The following KLHL32 variants were observed in gnomAD, a reference collection of about 807,000 sequenced individuals.
KLHL32 encodes the protein kelch like family member 32, also known as kelch-like protein 32.
A neutral mutation model predicts 64.8 loss-of-function variants in KLHL32; 35 were observed. That is an observed-to-expected ratio of 0.54 (90% CI 0.41 to 0.72). The LOEUF (loss-of-function observed/expected upper bound fraction) is 0.72, where lower values mean the gene tolerates loss of function less well. Among genes scored for constraint, KLHL32 ranks in the 30% least tolerant of loss-of-function variants. The pLI is 0.00. For synonymous variants in KLHL32, 259 were observed against 281.0 expected, an observed-to-expected ratio of 0.92 and a Z score of 0.78; for missense variants, 589 against 768.5, an observed-to-expected ratio of 0.77 and a Z score of 2.76.
chr6:97,092,715 G>A (rs1053458656), intron 6 of KLHL32, among the ~76,000 whole-genome samples: 5 of 152,094 alleles, frequency 3.3e-5, no homozygotes, highest in African/African-American at 9.7e-5. Flanking sequence ...ATCTATATGC[G>A]GCTAACTCCT....
At chr6:96,930,569 C>T (rs1769737558) in intron 1 of KLHL32, among the ~76,000 whole-genome samples, 1 of 151,998 alleles carries the variant, frequency 6.6e-6, no homozygotes, top group South Asian at 2.1e-4. Context: ...TCCCCTTTCC[C>T]CACTCCTTTG....
At chr6:96,909,598 T>C in the KLHL32 span, among the ~76,000 whole-genome samples, 1 of 152,188 alleles carries the variant, frequency 6.6e-6, no homozygotes, top group African/African-American at 2.4e-5. Context: ...TCAGCAGAGA[T>C]AGGGGAAACT....
At chr6:96,949,874 T>G (rs1236828508) in intron 1 of KLHL32, among the ~76,000 whole-genome samples, 1 of 152,166 alleles carries the variant, frequency 6.6e-6, no homozygotes, top group Non-Finnish European at 1.5e-5. Flanking sequence ...TTAAATTTAC[T>G]GACTTAAAAA....
At chr6:97,127,089 T>C (rs1217628806) in intron 7 of KLHL32, among the ~76,000 whole-genome samples, 4 of 152,208 alleles carry the variant, frequency 2.6e-5, no homozygotes, top group Non-Finnish European at 4.4e-5. Flanking sequence ...TTTGTCTATG[T>C]GTACTATGTT....
chr6:96,924,490 C>A (rs1225440159), upstream of KLHL32: 1 of 136,376 alleles, frequency 7.3e-6, no homozygotes, highest in Non-Finnish European at 1.6e-5. Flanking sequence ...CGGGGGGCGG[C>A]AGGGGAGCGA....
chr6:97,117,786 T>C (rs934863660), intron 7 of KLHL32, among the ~76,000 whole-genome samples: 1 of 152,190 alleles, frequency 6.6e-6, no homozygotes, highest in Admixed American at 6.5e-5. Context: ...AAAAAGAACC[T>C]TTTTTTGTGT....
chr6:97,010,126 C>CAAAAAAAAA (rs57115555), intron 3 of KLHL32: 1 of 87,012 alleles, frequency 1.1e-5, no homozygotes, highest in Non-Finnish European at 2.8e-5. Context: ...ACTGATTTGA[C>CAAAAAAAAA]AAAAAAAAAA....
intron 2 of KLHL32, among the ~76,000 whole-genome samples, chr6:96,973,988 C>A (rs1775421316): frequency 6.6e-6 from 1 of 152,174 alleles, no homozygotes; most frequent in East Asian, 1.9e-4. Context: ...TGCCAAAGTA[C>A]TGGGATTACA....
intron 3 of KLHL32, among the ~76,000 whole-genome samples, chr6:97,009,495 A>G (rs1780098480): frequency 6.6e-6 from 1 of 152,208 alleles, no homozygotes; most frequent in Non-Finnish European, 1.5e-5. Flanking sequence ...GCAATAGAGC[A>G]CTTGTATAAA....
chr6:96,995,162 A>G (rs754083264), intron 3 of KLHL32, among the ~76,000 whole-genome samples: 12 of 152,202 alleles, frequency 7.9e-5, no homozygotes, highest in African/African-American at 1.4e-4. Flanking sequence ...ATAAAGCTCC[A>G]AGCATAGTAC....
chr6:97,095,751 GTGATC>G (rs1274805381), intron 6 of KLHL32, among the ~76,000 whole-genome samples: 8 of 152,210 alleles, frequency 5.3e-5, no homozygotes, highest in Non-Finnish European at 1.0e-4. Flanking sequence ...AAGAAGTAAA[GTGATC>G]TGCTGAGGAA....
chr6:97,017,004 T>A (rs969065074), intron 3 of KLHL32, among the ~76,000 whole-genome samples: 1 of 152,222 alleles, frequency 6.6e-6, no homozygotes, highest in African/African-American at 2.4e-5. Flanking sequence ...CATGTGGAAC[T>A]GTGAGTCAAT....
At chr6:96,928,804 CG>C (rs1769489766) in intron 1 of KLHL32, among the ~76,000 whole-genome samples, 1 of 152,096 alleles carries the variant, frequency 6.6e-6, no homozygotes, top group Non-Finnish European at 1.5e-5. Flanking sequence ...AAGATGTAAT[CG>C]TTTTTTTCTA....
At chr6:97,068,355 A>C (rs184573606) in intron 5 of KLHL32, among the ~76,000 whole-genome samples, 32 of 152,340 alleles carry the variant, frequency 2.1e-4, no homozygotes, top group Admixed American at 6.5e-4. Flanking sequence ...AAAGTACTGA[A>C]TACGCAACTC....
chr6:97,021,646 C>A (rs531459530), intron 3 of KLHL32, among the ~76,000 whole-genome samples: 1 of 150,884 alleles, frequency 6.6e-6, no homozygotes, highest in African/African-American at 2.5e-5. Flanking sequence ...TATCTAAACA[C>A]CTGTGGCAAG....
chr6:97,124,228 A>G (rs1166448249), intron 7 of KLHL32, among the ~76,000 whole-genome samples: 1 of 152,196 alleles, frequency 6.6e-6, no homozygotes, highest in Non-Finnish European at 1.5e-5. Flanking sequence ...AAGTTGCAGC[A>G]CTAGGTTTGT....
intron 6 of KLHL32, among the ~76,000 whole-genome samples, chr6:97,091,873 A>G (rs564765555): frequency 3.2e-4 from 49 of 152,256 alleles, no homozygotes; most frequent in African/African-American, 1.1e-3. Context: ...ATGTTTTAAT[A>G]TTTGGACCTT....
chr6:97,088,501 T>A (rs2128182978), intron 6 of KLHL32, among the ~76,000 whole-genome samples: 1 of 152,330 alleles, frequency 6.6e-6, no homozygotes, highest in South Asian at 2.1e-4. Context: ...ATTTTCAGAC[T>A]GATGAGCCAG....
At position 96,994,935 on chromosome 6, in the gene KLHL32, T is replaced by C. The variant is rs139341110; in HGVS notation, c.204+18758T>C. ...TCTAGCAGCAGGGACCTAATCTGTC[T>C]GTTCTGTTCACCATTGTTTCCCACA... On this transcript the variant is annotated intron_variant, in intron 3 of 10. Coordinates refer to ENST00000369261, the MANE Select transcript of KLHL32 (RefSeq NM_052904.4). Among the ~76,000 whole-genome samples the C allele has an allele frequency of 7.1e-3, 1,081 of 152,346 alleles. 11 individuals are homozygous for C. Among genetic ancestry groups the C allele is most frequent in the African/African-American group, 0.025 (1,035 of 41,576 alleles).
Sources: gnomAD v4.1 joint callset for allele counts (sites outside exome capture counted in the v4.1 genomes callset) on GRCh38, gnomAD v4.1.1 for gene constraint, MANE v1.5 for transcripts, NCBI Gene and HGNC (gene_info 2026-07-23, HGNC 2026-07-21) for gene names.